The following SHANK2 variants were observed in gnomAD, a reference collection of about 807,000 sequenced individuals.
SHANK2 encodes the protein SH3 and multiple ankyrin repeat domains 2, also known as SH3 and multiple ankyrin repeat domains protein 2.
In SHANK2, 43 loss-of-function variants were observed where a neutral mutation model predicts 133.7. That is an observed-to-expected ratio of 0.32 (90% CI 0.25 to 0.41). The LOEUF (loss-of-function observed/expected upper bound fraction) is 0.41. Among genes scored for constraint, SHANK2 ranks in the 10% least tolerant of loss-of-function variants. The pLI, the probability that SHANK2 is intolerant of heterozygous loss-of-function variation, is 1.00. For synonymous variants in SHANK2, 1,017 were observed against 952.8 expected, an observed-to-expected ratio of 1.07 and a Z score of -1.24; for missense variants, 1,994 against 2,235.8, an observed-to-expected ratio of 0.89 and a Z score of 2.18.
intron 17 of SHANK2, among the ~76,000 whole-genome samples, chr11:70,645,594 A>T (rs2061248972): frequency 1.3e-5 from 2 of 152,156 alleles, no homozygotes; most frequent in Admixed American, 1.3e-4. Flanking sequence ...GGTGCTGCCG[A>T]GGTTCAGCTG....
intron 2 of SHANK2, among the ~76,000 whole-genome samples, chr11:71,200,770 C>T (rs948526498): frequency 6.6e-6 from 1 of 151,794 alleles, no homozygotes; most frequent in Non-Finnish European, 1.5e-5. Context: ...AGCTTCACAC[C>T]ATGGTCAGAT....
chr11:70,734,137 G>C (rs1038615613), intron 14 of SHANK2, among the ~76,000 whole-genome samples: 1 of 152,170 alleles, frequency 6.6e-6, no homozygotes, highest in Non-Finnish European at 1.5e-5. Flanking sequence ...GGAGCAGGTG[G>C]AGTATGCAGA....
intron 14 of SHANK2, among the ~76,000 whole-genome samples, chr11:70,731,800 A>T (rs1424037128): frequency 6.6e-6 from 1 of 152,174 alleles, no homozygotes; most frequent in African/African-American, 2.4e-5. Context: ...GATTCACACC[A>T]GCTACCAGCA....
At chr11:70,782,256 C>T (rs1420358036) in intron 14 of SHANK2, among the ~76,000 whole-genome samples, 1 of 152,224 alleles carries the variant, frequency 6.6e-6, no homozygotes, top group African/African-American at 2.4e-5. Context: ...AAGATTTTGC[C>T]ATGTTGGCCA....
intron 17 of SHANK2, among the ~76,000 whole-genome samples, chr11:70,643,836 A>G (rs2061221395): frequency 1.3e-5 from 2 of 152,264 alleles, no homozygotes; most frequent in South Asian, 2.1e-4. Flanking sequence ...ACTGACCAAC[A>G]ACAAAAGGTG....
rs1267512792 is a variant in SHANK2 at position 71,109,945 on chromosome 11, G to A, written c.588C>T (p.Thr196=). 1.6e-5 allele frequency: 25 copies of A among 1,549,314 alleles called. No homozygotes were observed. In the East Asian group the frequency reaches 2.7e-4, roughly 17 times the overall value. The change falls in exon 6 of 26, where the codon ACC becomes ACT. Residue 196 remains threonine, a synonymous_variant. Transcript: ENST00000601538. ...GLDPNFHDPE[T]GETPLTLAAQ... ...TCCCCTCTAGCAAGTGCTCACCTCC[G>A]GTCTCCGGGTCGTGGAAATTGGGAT...
intron 11 of SHANK2, among the ~76,000 whole-genome samples, chr11:70,874,469 A>G (rs1949524131): frequency 6.6e-6 from 1 of 152,190 alleles, no homozygotes; most frequent in Non-Finnish European, 1.5e-5. Flanking sequence ...CAGCCTCCTG[A>G]GAAGCTGGAA....
At chr11:70,557,793 G>A (rs2059852882) in intron 17 of SHANK2, among the ~76,000 whole-genome samples, 2 of 152,184 alleles carry the variant, frequency 1.3e-5, no homozygotes, top group Admixed American at 6.5e-5. Context: ...CGTTTCCAAC[G>A]GACAAGCGGC....
chr11:71,205,656 C>A (rs1954112949), intron 2 of SHANK2, among the ~76,000 whole-genome samples: 1 of 152,198 alleles, frequency 6.6e-6, no homozygotes, highest in South Asian at 2.1e-4. Flanking sequence ...CCAAATTTTA[C>A]CAGGAGGAAA....
At chr11:70,747,980 G>C (rs1460002305) in intron 14 of SHANK2, among the ~76,000 whole-genome samples, 2 of 152,212 alleles carry the variant, frequency 1.3e-5, no homozygotes, top group African/African-American at 4.8e-5. Flanking sequence ...AAAAAGAGGA[G>C]AGGGAAGGAG....
intron 17 of SHANK2, among the ~76,000 whole-genome samples, chr11:70,509,033 T>C (rs1240414519): frequency 6.6e-6 from 1 of 152,206 alleles, no homozygotes; most frequent in Non-Finnish European, 1.5e-5. Context: ...CTGGAAGATT[T>C]TCCCTCACAG....
intron 9 of SHANK2, among the ~76,000 whole-genome samples, chr11:71,071,544 T>C (rs2094016483): frequency 6.6e-6 from 1 of 152,214 alleles, no homozygotes; most frequent in Non-Finnish European, 1.5e-5. Context: ...CATTTTGCCC[T>C]GGCTATGTCT....
At chr11:70,785,961 C>A (rs1055736372) in intron 14 of SHANK2, among the ~76,000 whole-genome samples, 2 of 152,086 alleles carry the variant, frequency 1.3e-5, no homozygotes, top group African/African-American at 4.8e-5. Context: ...CGCCTGGGAC[C>A]ACTGATGGGC....
At chr11:70,632,086 A>AT (rs1555002412) in intron 17 of SHANK2, among the ~76,000 whole-genome samples, 1 of 152,154 alleles carries the variant, frequency 6.6e-6, no homozygotes, top group Non-Finnish European at 1.5e-5. Flanking sequence ...TTAGAATGCG[A>AT]TTTGTCCTTC....
rs115396444 is a variant in SHANK2 at position 70,903,047 on chromosome 11, A to G, written c.1108-6480T>C. 4.3e-3 allele frequency among the ~76,000 whole-genome samples: 650 copies of G among 152,234 alleles called. 2 individuals carry two copies. The highest frequency in any genetic ancestry group is 0.015 in the African/African-American group (612 of 41,528). ...TCTCCCAACTCAAGAATTGACAACC[A>G]TCTCCTCCTTAGCACCTCAAGTGCT... On this transcript the variant is annotated intron_variant, in intron 10 of 25. Coordinates refer to ENST00000601538, the MANE Select transcript of SHANK2 (RefSeq NM_012309.5).
At chr11:70,893,960 T>C (rs1949893150) in intron 11 of SHANK2, among the ~76,000 whole-genome samples, 1 of 152,182 alleles carries the variant, frequency 6.6e-6, no homozygotes, top group Non-Finnish European at 1.5e-5. Context: ...AGTTAACAAT[T>C]GATCAGAACA....
Position 71,167,769 on chromosome 11 carries a change from G to A in SHANK2, c.-12-20431C>T, listed in dbSNP as rs1347646984. 1.5e-4 allele frequency among the ~76,000 whole-genome samples: 20 copies of A among 131,992 alleles called. 1 individual carries two copies. The highest frequency in any genetic ancestry group is 5.1e-4 in the South Asian group (2 of 3,908). 86.6% of individuals were successfully genotyped at this position (131,992 alleles called of 152,430 possible). A position where few individuals can be genotyped will look rare whatever the true frequency, so the allele number is the denominator to read the frequency against. ...CGGGCAGAGGCGTCCCTCACCTCCC[G>A]GACGGGGCGGCTGGCCGGGCGGGGG... On this transcript the variant is annotated intron_variant, in intron 2 of 25. Coordinates refer to ENST00000601538, the MANE Select transcript of SHANK2 (RefSeq NM_012309.5).
At chr11:70,827,149 C>T (rs1291074942) in intron 11 of SHANK2, among the ~76,000 whole-genome samples, 1 of 152,064 alleles carries the variant, frequency 6.6e-6, no homozygotes, top group African/African-American at 2.4e-5. Context: ...AATTTCTGAA[C>T]ACGACCTATA....
chr11:70,636,235 GTC>G lies in SHANK2; in HGVS notation c.2061+23591_2061+23592del, dbSNP rs1435321802. Reference sequence around the variant, plus strand: ...AGCACGTGTGTGTGTGTGAATGTGAGTCTGAGTGTATGAGCATGCGTGTATGC... The same window carrying G: ...AGCACGTGTGTGTGTGTGAATGTGAGTGAGTGTATGAGCATGCGTGTATGC... On this transcript the variant is annotated intron_variant, in intron 17 of 25. Coordinates refer to ENST00000601538, the MANE Select transcript of SHANK2 (RefSeq NM_012309.5). Among the ~76,000 whole-genome samples, 6 of 152,274 alleles carry G rather than the reference GTC, an allele frequency of 3.9e-5. No individual in the cohort carries two copies. In the South Asian group the frequency reaches 8.3e-4, roughly 21 times the overall value.
Sources: gnomAD v4.1 joint callset for allele counts (sites outside exome capture counted in the v4.1 genomes callset) on GRCh38, gnomAD v4.1.1 for gene constraint, MANE v1.5 for transcripts, NCBI Gene and HGNC (gene_info 2026-07-23, HGNC 2026-07-21) for gene names.